Variants in PLXDC2 observed in about 807,000 individuals in gnomAD.
PLXDC2 encodes the protein plexin domain-containing protein 2.
In PLXDC2, 40 loss-of-function variants were observed where a neutral mutation model predicts 68.9. That is an observed-to-expected ratio of 0.58 (90% confidence interval 0.45 to 0.76). The LOEUF (loss-of-function observed/expected upper bound fraction) is 0.76, where lower values mean the gene tolerates loss of function less well. Among genes scored for constraint, PLXDC2 ranks in the 30% least tolerant of loss-of-function variants. The pLI is 0.00. For synonymous variants in PLXDC2, 243 were observed against 234.2 expected (o/e 1.04, Z -0.34); for missense variants, 644 against 661.9 (o/e 0.97, Z 0.30).
intron 1 of PLXDC2, among the ~76,000 whole-genome samples, chr10:19,818,946 TA>T (rs1257964436): frequency 6.8e-6 from 1 of 147,374 alleles, no homozygotes; most frequent in Non-Finnish European, 1.5e-5. Context: ...GCATTTGCAG[TA>T]AAGGAAAAAA....
chr10:20,059,900 A>C (rs1050216598), intron 3 of PLXDC2, among the ~76,000 whole-genome samples: 1 of 152,224 alleles, frequency 6.6e-6, no homozygotes, highest in Non-Finnish European at 1.5e-5. Context: ...AGGGTATAAC[A>C]AGGAAGTTCT....
At chr10:19,997,952 T>C (rs932526085) in intron 1 of PLXDC2, among the ~76,000 whole-genome samples, 1 of 152,234 alleles carries the variant, frequency 6.6e-6, no homozygotes, top group Non-Finnish European at 1.5e-5. Flanking sequence ...TCTTCTTATA[T>C]TCCAATGGGA....
intron 4 of PLXDC2, among the ~76,000 whole-genome samples, chr10:20,099,860 T>G (rs1033414364): frequency 2.0e-5 from 3 of 152,106 alleles, no homozygotes; most frequent in African/African-American, 7.2e-5. Context: ...AAAGTAGACA[T>G]TTAAAAAAAT....
chr10:20,095,704 T>C (rs916074027), intron 4 of PLXDC2, among the ~76,000 whole-genome samples: 1 of 152,184 alleles, frequency 6.6e-6, no homozygotes, highest in African/African-American at 2.4e-5. Flanking sequence ...GTATATAGCC[T>C]GGTGCCACTG....
At chr10:20,276,621 A>T (rs145688779) in intron 13 of PLXDC2, among the ~76,000 whole-genome samples, 1 of 152,286 alleles carries the variant, frequency 6.6e-6, no homozygotes, top group East Asian at 1.9e-4. Flanking sequence ...GTCTGGTTTG[A>T]GTTCTTCAAT....
At chr10:20,240,450 C>T (rs1194663403) in intron 12 of PLXDC2, among the ~76,000 whole-genome samples, 1 of 152,048 alleles carries the variant, frequency 6.6e-6, no homozygotes, top group Non-Finnish European at 1.5e-5. Flanking sequence ...ACCCAGGATA[C>T]TCTAAATTCT....
intron 1 of PLXDC2, among the ~76,000 whole-genome samples, chr10:19,857,344 C>G (rs1471686209): frequency 6.6e-6 from 1 of 152,214 alleles, no homozygotes; most frequent in Non-Finnish European, 1.5e-5. Flanking sequence ...GCAACCGACA[C>G]ACTTCTTAAA....
chr10:20,116,215 A>G (rs1303849768), intron 4 of PLXDC2, among the ~76,000 whole-genome samples: 1 of 152,190 alleles, frequency 6.6e-6, no homozygotes, highest in African/African-American at 2.4e-5. Context: ...CTTTCTGTAG[A>G]TGTAAATGTA....
chr10:20,098,346 C>CGCGCGT (rs1554766417), intron 4 of PLXDC2, among the ~76,000 whole-genome samples: 1 of 103,060 alleles, frequency 9.7e-6, no homozygotes, highest in African/African-American at 3.3e-5. Context: ...CATTTTCGTG[C>CGCGCGT]GTGTGTGTGT....
intron 1 of PLXDC2, among the ~76,000 whole-genome samples, chr10:19,991,553 A>G (rs1834751439): frequency 6.6e-6 from 1 of 152,144 alleles, no homozygotes; most frequent in Non-Finnish European, 1.5e-5. Flanking sequence ...TCTGATTTAA[A>G]TCATATACAA....
intron 12 of PLXDC2, among the ~76,000 whole-genome samples, chr10:20,233,116 T>G (rs1027412557): frequency 6.6e-6 from 1 of 152,300 alleles, no homozygotes; most frequent in African/African-American, 2.4e-5. Flanking sequence ...TTGCTTCCCA[T>G]GTAGTTGATG....
intron 1 of PLXDC2, among the ~76,000 whole-genome samples, chr10:19,918,466 A>T (rs1047434980): frequency 6.6e-6 from 1 of 152,202 alleles, no homozygotes; most frequent in Non-Finnish European, 1.5e-5. Context: ...ATTGAAAAGC[A>T]CATAGGGGCA....
At position 19,904,335 on chromosome 10, in the gene PLXDC2, T is replaced by C. The variant is rs574530983; in HGVS notation, c.112+87144T>C. ...TGTCTATCTCATTTCTCAGGTCTAG[T>C]AGTAATTACTACTAGATTATGGTTG... On this transcript the variant is annotated intron_variant, in intron 1 of 13. Coordinates refer to ENST00000377252, the MANE Select transcript of PLXDC2 (RefSeq NM_032812.9). Among the ~76,000 whole-genome samples, 4 of 152,152 alleles carry C rather than the reference T, an allele frequency of 2.6e-5. No individual in the cohort carries two copies. In the South Asian group the frequency reaches 8.3e-4, roughly 32 times the overall value.
chr10:20,021,191 GTTTT>G (rs35394866), intron 2 of PLXDC2, among the ~76,000 whole-genome samples: 3 of 144,496 alleles, frequency 2.1e-5, no homozygotes, highest in African/African-American at 7.6e-5. Flanking sequence ...ACTTTATCCT[GTTTT>G]TTTTGTTTGT....
At position 19,817,203 on chromosome 10, in the gene PLXDC2, G is replaced by A. The variant is rs1160996270; in HGVS notation, c.112+12G>A. ...AGACCAAATCCTTGGTAAGTAAGAT[G>A]CACTTTAGCTTGCTGATTTTGTGCG... is the stretch of plus-strand genomic sequence containing the variant. On this transcript the variant is annotated intron_variant, in intron 1 of 13. Transcript: ENST00000377252. 1.3e-6 allele frequency: 2 copies of A among 1,551,710 alleles called. No individual in the cohort carries two copies. Among genetic ancestry groups the A allele is most frequent in the Non-Finnish European group, 8.7e-7 (1 of 1,144,854 alleles).
At chr10:20,090,869 T>C (rs1393666790) in intron 4 of PLXDC2, among the ~76,000 whole-genome samples, 1 of 152,192 alleles carries the variant, frequency 6.6e-6, no homozygotes, top group Non-Finnish European at 1.5e-5. Context: ...ACAATATCAT[T>C]AGTATCATGA....
intron 4 of PLXDC2, among the ~76,000 whole-genome samples, chr10:20,133,242 G>A (rs2131778388): frequency 6.6e-6 from 1 of 152,206 alleles, no homozygotes; most frequent in Non-Finnish European, 1.5e-5. Flanking sequence ...GAGTTGTGGA[G>A]CACTATTGGA....
rs565341447 is a variant in PLXDC2 at position 20,067,746 on chromosome 10, G to A, written c.472-424G>A. On this transcript the variant is annotated intron_variant, in intron 3 of 13. Coordinates refer to ENST00000377252, the MANE Select transcript of PLXDC2 (RefSeq NM_032812.9). Reference sequence around the variant, plus strand: ...CCACCAGTGCAAGACATCTTCTTCCGTGAAACTGCTTTTCATTATGGGATG... The same window carrying A: ...CCACCAGTGCAAGACATCTTCTTCCATGAAACTGCTTTTCATTATGGGATG... Among the ~76,000 whole-genome samples, 23 of 151,142 alleles carry A rather than the reference G, an allele frequency of 1.5e-4. 1 individual carries two copies. Among genetic ancestry groups the A allele is most frequent in the South Asian group, 6.3e-4 (3 of 4,780 alleles).
chr10:20,189,860 A>C (rs560617760), intron 9 of PLXDC2, among the ~76,000 whole-genome samples: 8 of 151,748 alleles, frequency 5.3e-5, no homozygotes, highest in Admixed American at 4.0e-4. Context: ...TGAGTCATCT[A>C]CCAGTCTTTA....
Sources: gnomAD v4.1 joint callset for allele counts (sites outside exome capture counted in the v4.1 genomes callset) on GRCh38, gnomAD v4.1.1 for gene constraint, MANE v1.5 for transcripts, NCBI Gene and HGNC (gene_info 2026-07-23, HGNC 2026-07-21) for gene names.